ABTB3: variants seen among roughly 807,000 people sequenced by gnomAD.
The protein encoded by ABTB3 is ankyrin repeat- and BTB/POZ domain-containing protein 3.
chr12:107,623,681 C>G, the ABTB3 span, among the ~76,000 whole-genome samples: 1 of 152,084 alleles, frequency 6.6e-6, no homozygotes, highest in Non-Finnish European at 1.5e-5. Flanking sequence ...GCTTATTTTT[C>G]TAACACATCA....
At chr12:107,480,782 T>G in the ABTB3 span, among the ~76,000 whole-genome samples, 1 of 152,168 alleles carries the variant, frequency 6.6e-6, no homozygotes, top group Non-Finnish European at 1.5e-5. Flanking sequence ...GCATCCACTT[T>G]TTAGTGTCCA....
At chr12:107,517,786 C>T in the ABTB3 span, among the ~76,000 whole-genome samples, 1 of 152,240 alleles carries the variant, frequency 6.6e-6, no homozygotes, top group South Asian at 2.1e-4. Flanking sequence ...AACTAAAGAG[C>T]TTCTGCACAG....
the ABTB3 span, among the ~76,000 whole-genome samples, chr12:107,399,235 C>T: frequency 1.3e-5 from 2 of 152,142 alleles, no homozygotes; most frequent in African/African-American, 4.8e-5. Flanking sequence ...TGCAGCGGTA[C>T]CCACTGAGCA....
At chr12:107,401,156 G>A in the ABTB3 span, among the ~76,000 whole-genome samples, 2 of 152,152 alleles carry the variant, frequency 1.3e-5, no homozygotes, top group African/African-American at 4.8e-5. Context: ...TTCCCAATGG[G>A]TTCCTTTTCA....
the ABTB3 span, among the ~76,000 whole-genome samples, chr12:107,483,001 C>CTTCT: frequency 4.2e-5 from 4 of 94,346 alleles, no homozygotes; most frequent in Admixed American, 3.7e-4. Context: ...TCCTTCCTTC[C>CTTCT]TTCCTTCTTT....
At chr12:107,329,281 G>A in the ABTB3 span, among the ~76,000 whole-genome samples, 2 of 152,146 alleles carry the variant, frequency 1.3e-5, no homozygotes, top group Admixed American at 6.5e-5. Flanking sequence ...TCAAATTCTG[G>A]CTCTATTGCC....
the ABTB3 span, among the ~76,000 whole-genome samples, chr12:107,516,534 G>A: frequency 1.3e-5 from 2 of 152,114 alleles, no homozygotes; most frequent in African/African-American, 4.8e-5. Context: ...ACCCGGCCCT[G>A]TTATTCATTA....
the ABTB3 span, among the ~76,000 whole-genome samples, chr12:107,396,893 A>G: frequency 6.6e-6 from 1 of 152,196 alleles, no homozygotes; most frequent in Non-Finnish European, 1.5e-5. Context: ...TTCATAAATC[A>G]TAGATGATTT....
the ABTB3 span, among the ~76,000 whole-genome samples, chr12:107,400,327 C>G: frequency 2.0e-5 from 3 of 152,158 alleles, no homozygotes; most frequent in South Asian, 6.2e-4. Flanking sequence ...TCATGACCAA[C>G]TCAGGTTGCC....
the ABTB3 span, among the ~76,000 whole-genome samples, chr12:107,484,710 C>CA: frequency 6.6e-5 from 10 of 151,976 alleles, no homozygotes; most frequent in Admixed American, 1.3e-4. Flanking sequence ...TCAATAATCT[C>CA]AGTCAGCAAT....
chr12:107,366,482 T>A, the ABTB3 span, among the ~76,000 whole-genome samples: 1 of 152,116 alleles, frequency 6.6e-6, no homozygotes, highest in African/African-American at 2.4e-5. Context: ...GCAGAAAAGG[T>A]TCAGGCTTAG....
At chr12:107,643,971 C>T in the ABTB3 span, among the ~76,000 whole-genome samples, 1 of 152,006 alleles carries the variant, frequency 6.6e-6, no homozygotes, top group Admixed American at 6.6e-5. Flanking sequence ...GCCATGTTGC[C>T]CAGGCTGGTC....
the ABTB3 span, among the ~76,000 whole-genome samples, chr12:107,608,953 A>AAT: frequency 6.2e-5 from 5 of 80,322 alleles, 1 homozygote; most frequent in African/African-American, 2.2e-4. Flanking sequence ...AAATAAAATA[A>AAT]AATATAAAAT....
At chr12:107,367,610 G>A in the ABTB3 span, among the ~76,000 whole-genome samples, 3 of 152,232 alleles carry the variant, frequency 2.0e-5, no homozygotes, top group African/African-American at 4.8e-5. Context: ...CAGCTCAAGC[G>A]ATTCTCGTGC....
chr12:107,411,603 T>C, the ABTB3 span, among the ~76,000 whole-genome samples: 2 of 152,200 alleles, frequency 1.3e-5, no homozygotes, highest in Admixed American at 1.3e-4. Context: ...TTTCTCTGGC[T>C]CTCCGTTGCC....
chr12:107,459,996 C>G, the ABTB3 span, among the ~76,000 whole-genome samples: 28 of 152,218 alleles, frequency 1.8e-4, no homozygotes, highest in Non-Finnish European at 3.2e-4. Context: ...GAAGCAGGAA[C>G]CTGGGAAAAC....
At chr12:107,434,394 C>T in the ABTB3 span, among the ~76,000 whole-genome samples, 1 of 152,172 alleles carries the variant, frequency 6.6e-6, no homozygotes, top group African/African-American at 2.4e-5. Flanking sequence ...GGGCGAGACA[C>T]CCACAGCGTC....
At chr12:107,469,936 T>TTTC in the ABTB3 span, among the ~76,000 whole-genome samples, 6 of 61,584 alleles carry the variant, frequency 9.7e-5, 2 homozygotes, top group African/African-American at 4.7e-4. Context: ...CTCTCTCTCT[T>TTTC]TCTTTCTCTT....
chr12:107,543,879 G>A, the ABTB3 span: 2 of 1,497,306 alleles, frequency 1.3e-6, no homozygotes, highest in Non-Finnish European at 1.8e-6. Flanking sequence ...TTCAGGTACA[G>A]TTTCTCTGCC....
Sources: allele counts gnomAD v4.1 joint callset (sites outside exome capture counted in the v4.1 genomes callset), GRCh38; gene constraint gnomAD v4.1.1; transcripts MANE v1.5; gene names NCBI Gene and HGNC (gene_info 2026-07-23, HGNC 2026-07-21).